ZNF469: variants seen among roughly 807,000 people sequenced by gnomAD.
The protein encoded by ZNF469 is zinc finger protein 469.
Under a neutral mutation model 1.0 loss-of-function variants are expected in ZNF469, and 1 was observed. The ratio of observed to expected loss-of-function variants is 1.00; its 90% confidence interval spans 0.35 to 4.73. The LOEUF (loss-of-function observed/expected upper bound fraction) is 4.73, where lower values mean the gene tolerates loss of function less well. Among genes scored for constraint, ZNF469 ranks in the 30% most tolerant of loss-of-function variants. The pLI, the probability that ZNF469 is intolerant of heterozygous loss-of-function variation, is 0.16. For synonymous variants in ZNF469, 2,703 were observed against 2,363.4 expected (o/e 1.14, Z -4.17); for missense variants, 6,100 against 5,356.3 (o/e 1.14, Z -4.33).
the ZNF469 span, among the ~76,000 whole-genome samples, chr16:88,161,295 G>A: frequency 1.3e-5 from 2 of 152,132 alleles, no homozygotes; most frequent in Admixed American, 6.5e-5. Flanking sequence ...AAACGGTGAC[G>A]ATCTGTGGGG....
chr16:88,229,267 A>G, the ZNF469 span, among the ~76,000 whole-genome samples: 8 of 152,346 alleles, frequency 5.3e-5, no homozygotes, highest in African/African-American at 1.9e-4. Context: ...AAGACATGGC[A>G]TTTGTGCTGG....
the ZNF469 span, among the ~76,000 whole-genome samples, chr16:88,300,008 C>T: frequency 2.6e-5 from 4 of 152,128 alleles, no homozygotes; most frequent in Non-Finnish European, 4.4e-5. Context: ...GGAGGCAGCG[C>T]ACGGCACGGC....
Position 88,430,250 on chromosome 16 carries a change from G to A in ZNF469, c.2780G>A (p.Arg927His), listed in dbSNP as rs946171447. 13 of 1,526,090 alleles carry A rather than the reference G, an allele frequency of 8.5e-6. No homozygotes were observed. Among genetic ancestry groups the A allele is most frequent in the East Asian group, 4.9e-5 (2 of 40,656 alleles). The allele number at this position is 1,526,090 out of a possible 1,614,324, so 94.5% of individuals were successfully genotyped here. Reference sequence around the variant, plus strand: ...CCAGCCCGAGGCAGGCCCAAAACGCGTTCCCTGGGTCTGGCCCCCACCGAG... The same window carrying A: ...CCAGCCCGAGGCAGGCCCAAAACGCATTCCCTGGGTCTGGCCCCCACCGAG... The part of the protein sequence containing the change: ...GCPARGRPKT[R>H]SLGLAPTEAD... The change falls in exon 3 of 3, where the codon CGT (arginine) becomes CAT (histidine). Residue 927 changes from arginine (R) to histidine (H), a missense_variant. By Grantham distance (29) the Arg-to-His change is conservative. Coordinates refer to ENST00000565624, the MANE Select transcript of ZNF469 (RefSeq NM_001367624.2).
chr16:88,432,398 C>A lies in ZNF469; in HGVS notation c.4928C>A (p.Ala1643Asp), dbSNP rs887038122. 1 of 1,549,722 alleles carries A rather than the reference C, an allele frequency of 6.5e-7. No homozygotes were observed. The highest frequency in any genetic ancestry group is 8.7e-7 in the Non-Finnish European group (1 of 1,146,858). ...STAHREGAES[A>D]VATVEAVQGR... ...GCACATCGGGAGGGTGCGGAATCGGCTGTGGCCACCGTGGAAGCGGTTCAG... is the reference window on the plus strand; with the variant it reads ...GCACATCGGGAGGGTGCGGAATCGGATGTGGCCACCGTGGAAGCGGTTCAG... Residue 1643 changes from alanine (A) to aspartate (D), a missense_variant, in exon 3 of 3, where the codon GCT becomes GAT. Physicochemically the swap from Ala to Asp is moderately radical, Grantham distance 126. Transcript: ENST00000565624.
At chr16:88,283,686 G>T in the ZNF469 span, among the ~76,000 whole-genome samples, 1 of 152,216 alleles carries the variant, frequency 6.6e-6, no homozygotes, top group Non-Finnish European at 1.5e-5. Context: ...AGTTGGAGCG[G>T]ATTCTTAGGG....
chr16:88,254,577 A>G, the ZNF469 span, among the ~76,000 whole-genome samples: 2 of 152,022 alleles, frequency 1.3e-5, no homozygotes, highest in Non-Finnish European at 2.9e-5. Flanking sequence ...GGCCAATATG[A>G]TGAAACCCCG....
chr16:88,344,083 G>T, the ZNF469 span, among the ~76,000 whole-genome samples: 3 of 152,194 alleles, frequency 2.0e-5, no homozygotes, highest in South Asian at 6.2e-4. Flanking sequence ...AAACAGCAGA[G>T]AGTCTCAACA....
the ZNF469 span, among the ~76,000 whole-genome samples, chr16:88,361,973 T>A: frequency 6.6e-6 from 1 of 152,234 alleles, no homozygotes; most frequent in African/African-American, 2.4e-5. Context: ...TGTAAGTGTG[T>A]GTCTGTTCCT....
At chr16:88,322,087 C>T in the ZNF469 span, among the ~76,000 whole-genome samples, 1 of 152,358 alleles carries the variant, frequency 6.6e-6, no homozygotes, top group African/African-American at 2.4e-5. Context: ...ACGAGCTGGG[C>T]GGGCTGCAGG....
chr16:88,380,658 GAC>G (rs914877320), upstream of ZNF469, among the ~76,000 whole-genome samples: 3 of 98,304 alleles, frequency 3.1e-5, no homozygotes, highest in Admixed American at 1.1e-4. Context: ...TACACACACA[GAC>G]ACGCCCTCAC....
At chr16:88,158,788 A>G in the ZNF469 span, among the ~76,000 whole-genome samples, 1 of 152,160 alleles carries the variant, frequency 6.6e-6, no homozygotes, top group African/African-American at 2.4e-5. Flanking sequence ...CAGAGTGCAG[A>G]CAGGACTGGG....
chr16:88,431,303 C>CCAAGCCGTCGGGAAGCCT lies in ZNF469; in HGVS notation c.3835_3852dup (p.Lys1279_Leu1284dup). Reference sequence around the variant, plus strand: ...CCCAGCAGACATGACACCGGCACCCCCAAGCCGTCGGGAAGCCTCGCCAAC... The same window carrying CCAAGCCGTCGGGAAGCCT: ...CCCAGCAGACATGACACCGGCACCCCCAAGCCGTCGGGAAGCCTCAAGCCGTCGGGAAGCCTCGCCAAC... On this transcript the variant is annotated inframe_insertion, in exon 3 of 3. Transcript: ENST00000565624. 1.3e-6 allele frequency: 2 copies of CCAAGCCGTCGGGAAGCCT among 1,550,084 alleles called. No homozygotes were observed. The highest frequency in any genetic ancestry group is 1.7e-6 in the Non-Finnish European group (2 of 1,146,838).
the ZNF469 span, among the ~76,000 whole-genome samples, chr16:88,120,166 C>T: frequency 6.6e-6 from 1 of 152,172 alleles, no homozygotes. Flanking sequence ...TTCCCGGCTT[C>T]CAGGGAGCGC....
Position 88,432,065 on chromosome 16 carries a change from G to A in ZNF469, c.4595G>A (p.Arg1532Gln), listed in dbSNP as rs911235059. Residue 1532 changes from arginine (R) to glutamine (Q), a missense_variant, in exon 3 of 3, where the codon CGG becomes CAG. By Grantham distance (43) the Arg-to-Gln change is conservative. Coordinates refer to ENST00000565624, the MANE Select transcript of ZNF469 (RefSeq NM_001367624.2). ...CTCAGTAAGACGTGTCCCCCTGAAC[G>A]GACAGTGGTTCCCGGCGCCGCCCCA... The part of the protein sequence containing the change: ...KVLSKTCPPE[R>Q]TVVPGAAPSL... The A allele has an allele frequency of 4.6e-5, 71 of 1,550,538 alleles. No individual in the cohort carries two copies. The highest frequency in any genetic ancestry group is 2.7e-4 in the African/African-American group (20 of 73,174).
chr16:88,381,271 CAT>C (rs1416051828), upstream of ZNF469, among the ~76,000 whole-genome samples: 1 of 150,750 alleles, frequency 6.6e-6, no homozygotes, highest in Non-Finnish European at 1.5e-5. Context: ...CTCACACAGA[CAT>C]GCACTCACAC....
the ZNF469 span, among the ~76,000 whole-genome samples, chr16:88,372,714 A>G: frequency 2.7e-5 from 4 of 148,624 alleles, no homozygotes; most frequent in Non-Finnish European, 4.4e-5. Flanking sequence ...TACCACCGTC[A>G]TCATGATCTT....
the ZNF469 span, among the ~76,000 whole-genome samples, chr16:88,245,671 C>T: frequency 6.6e-6 from 1 of 152,262 alleles, no homozygotes; most frequent in African/African-American, 2.4e-5. Flanking sequence ...CCTTCTCCCC[C>T]TTGCCTACAG....
chr16:88,106,446 CTTAT>C, the ZNF469 span, among the ~76,000 whole-genome samples: 4,603 of 152,248 alleles, frequency 0.03, 187 homozygotes, highest in East Asian at 0.2. Flanking sequence ...TTGGTGTCAC[CTTAT>C]TTATTTTTGC....
chr16:88,148,465 G>A, the ZNF469 span, among the ~76,000 whole-genome samples: 7 of 152,274 alleles, frequency 4.6e-5, no homozygotes, highest in Middle Eastern at 6.8e-3. Context: ...CTTTAATCAC[G>A]AATCCTAAGG....
Sources: allele counts gnomAD v4.1 joint callset (sites outside exome capture counted in the v4.1 genomes callset), GRCh38; gene constraint gnomAD v4.1.1; transcripts MANE v1.5; gene names NCBI Gene and HGNC (gene_info 2026-07-23, HGNC 2026-07-21).